The following LPA variants were observed in gnomAD, a reference collection of about 807,000 sequenced individuals.
LPA encodes apolipoprotein(a).
LPA carries 199 observed loss-of-function variants against 197.9 expected under a neutral mutation model. The ratio of observed to expected loss-of-function variants is 1.01; its 90% confidence interval spans 0.90 to 1.13. The LOEUF (loss-of-function observed/expected upper bound fraction) is 1.13, where lower values mean the gene tolerates loss of function less well. LPA is among the 50% of genes most tolerant of loss of function. The probability of loss-of-function intolerance (pLI) is 0.00; values close to 1 mark genes in which losing one functional copy is unlikely to be tolerated. For missense variants in LPA, 1,853 were observed against 1,785.8 expected (o/e 1.04, Z -0.68); for synonymous variants, 715 against 639.5 (o/e 1.12, Z -1.78).
At chr6:160,585,365 T>C (rs1025267780) in intron 25 of LPA, among the ~76,000 whole-genome samples, 160 bp from the exon 26 acceptor site, 2 of 152,154 alleles carry the variant, frequency 1.3e-5, no homozygotes, top group South Asian at 2.1e-4. Context: ...AATAGACTTA[T>C]AGGATTCTAG....
chr6:160,637,334 C>G (rs146955107), intron 6 of LPA, among the ~76,000 whole-genome samples: 19,513 of 116,180 alleles, frequency 0.17, 3 homozygotes, highest in East Asian at 0.3. Flanking sequence ...TATCAGCCAT[C>G]CTTGATTCCG....
chr6:160,559,580 A>G (rs1778327855), intron 28 of LPA, among the ~76,000 whole-genome samples: 1 of 152,200 alleles, frequency 6.6e-6, no homozygotes, highest in Non-Finnish European at 1.5e-5. Flanking sequence ...GGAACTTTTT[A>G]AGAAACCATC....
rs58131350 is a variant in LPA at position 160,545,377 on chromosome 6, C to CT, written c.5398+62dup. 1,353 of 1,204,560 alleles carry CT rather than the reference C, an allele frequency of 1.1e-3. 1 individual carries two copies. Among genetic ancestry groups the CT allele is most frequent in the Middle Eastern group, 1.5e-3 (8 of 5,206 alleles). The allele number at this position is 1,204,560 out of a possible 1,614,324, so 74.6% of individuals were successfully genotyped here. On this transcript the variant is annotated intron_variant, in intron 33 of 38. Transcript: ENST00000316300. ...CAAAAGCCATTTTCTGTTTTTTTTG[C>CT]TTTTTTTTTTCCAAATCCATATTAA...
At chr6:160,647,037 A>T (rs1257435117) in intron 2 of LPA, among the ~76,000 whole-genome samples, 1 of 152,132 alleles carries the variant, frequency 6.6e-6, no homozygotes, top group South Asian at 2.1e-4. Flanking sequence ...TTTCTGCAAG[A>T]CTTCTCAAAG....
At chr6:160,534,526 C>T (rs1777855823) in intron 37 of LPA, among the ~76,000 whole-genome samples, 1 of 152,180 alleles carries the variant, frequency 6.6e-6, no homozygotes, top group Non-Finnish European at 1.5e-5. Flanking sequence ...GGATGAGCCC[C>T]TTGGCCTCAA....
At position 160,596,207 on chromosome 6, in the gene LPA, G is replaced by A. The variant is rs1190179421; in HGVS notation, c.3288-672C>T. ...CACCTCTCCTCTGTTACTCCAGATG[G>A]TGATGGTTGTGCACCCTCATTGGTC... On this transcript the variant is annotated intron_variant, in intron 20 of 38. Transcript: ENST00000316300. Among the ~76,000 whole-genome samples, 4 of 152,156 alleles carry A rather than the reference G, an allele frequency of 2.6e-5. No individual in the cohort carries two copies. The East Asian group carries it at 7.7e-4, about 29-fold the overall frequency.
chr6:160,550,598 T>A (rs117635799), intron 30 of LPA, among the ~76,000 whole-genome samples: 1 of 152,356 alleles, frequency 6.6e-6, no homozygotes, highest in Non-Finnish European at 1.5e-5. Flanking sequence ...CTGATGAACA[T>A]GTACACTTGT....
intron 1 of LPA, among the ~76,000 whole-genome samples, chr6:160,655,035 C>T (rs539467418): frequency 6.6e-6 from 1 of 152,254 alleles, no homozygotes; most frequent in South Asian, 2.1e-4. Flanking sequence ...TTACTTGTGC[C>T]TTCAGGACCT....
chr6:160,589,541 T>A lies in LPA; in HGVS notation c.3947+12A>T. 6.2e-7 allele frequency: 1 copy of A among 1,612,966 alleles called. No homozygotes were observed. Among genetic ancestry groups the A allele is most frequent in the Non-Finnish European group, 8.5e-7 (1 of 1,179,690 alleles). On this transcript the variant is annotated intron_variant, in intron 24 of 38. Transcript: ENST00000316300. ...GTGGCTGTTTCTCTTGGGAGAAAAC[T>A]CAAAGACATACCCATTTGGGTAGTA...
chr6:160,664,009 AT>A (rs757409320), intron 1 of LPA, among the ~76,000 whole-genome samples, 156 bp downstream of exon 1: 3 of 152,100 alleles, frequency 2.0e-5, no homozygotes, highest in Non-Finnish European at 2.9e-5. Context: ...AATTAAACTT[AT>A]TTTTTTAAGA....
intron 16 of LPA, 86 bp from the exon 17 acceptor site, chr6:160,606,744 G>A: frequency 6.5e-7 from 1 of 1,541,550 alleles, no homozygotes. Context: ...CTGCAACAAG[G>A]TCATTACCAG....
rs1779115497 is a variant in LPA at position 160,595,510 on chromosome 6, T to C, written c.3313A>G (p.Asn1105Asp). ...NAGLTRNYCR[N>D]PDAEIRPWCY... is the part of the protein sequence containing the mutation. ...CAAGGGCGAATCTCAGCATCTGGAT[T>C]CCTGCAGTAGTTCCTGGTCAGGCCA... Residue 1105 changes from asparagine to aspartate, a missense_variant, in exon 21 of 39, where the codon AAT becomes GAT. Around this residue, in one of 3 missense-constraint regions of LPA, gnomAD observed 1,737 missense variants for 1,504.4 expected, o/e 1.15. Transcript: ENST00000316300. 1 of 1,613,884 alleles carries C rather than the reference T, an allele frequency of 6.2e-7. No individual in the cohort carries two copies. Among genetic ancestry groups the C allele is most frequent in the Admixed American group, 1.7e-5 (1 of 60,004 alleles).
rs184131785 is a variant in LPA, at chr6:160,544,474, C to A, written c.5398+966G>T. On this transcript the variant is annotated intron_variant, in intron 33 of 38. Coordinates refer to ENST00000316300, the MANE Select transcript of LPA (RefSeq NM_005577.4). ...GTAGAATCTTTCCTATCACCCTAAC[C>A]TCTCCTTCTTCCCTCTTGCTCTCCC... is the stretch of plus-strand genomic sequence containing the variant. Among the ~76,000 whole-genome samples the A allele has an allele frequency of 2.2e-4, 33 of 152,260 alleles. No individual in the cohort carries two copies. In the East Asian group the frequency reaches 6.0e-3, roughly 28 times the overall value.
chr6:160,591,126 T>A, intron 22 of LPA, 25 bp from the exon 23 acceptor site: 1 of 1,612,596 alleles, frequency 6.2e-7, no homozygotes, highest in Non-Finnish European at 8.5e-7. Context: ...ACAATACAGT[T>A]CACCAGAGAT....
intron 33 of LPA, 91 bp from the exon 34 acceptor site, chr6:160,542,899 T>C: frequency 6.4e-7 from 1 of 1,560,956 alleles, no homozygotes; most frequent in Non-Finnish European, 8.8e-7. Flanking sequence ...CACTAGTTTT[T>C]CACATCTCAA....
At position 160,548,480 on chromosome 6, in the gene LPA, T is replaced by C. The variant is rs754625463; in HGVS notation, c.5153A>G (p.Gln1718Arg). Residue 1718 changes from glutamine (Q) to arginine (R), a missense_variant and splice_region_variant, in exon 31 of 39, where the codon CAA (glutamine) becomes CGA (arginine). Transcript: ENST00000316300. ...QVPSLGPPSEQDCMFGNGKGY... is the reference protein window; with the variant it reads ...QVPSLGPPSERDCMFGNGKGY... ...AAGGTAAGACACAGACTTCTTACCT[T>C]GTTCAGAAGGAGGCCCTAGGCTTGG... 2.5e-6 allele frequency: 4 copies of C among 1,613,902 alleles called. No homozygotes were observed. Among genetic ancestry groups the C allele is most frequent in the East Asian group, 4.5e-5 (2 of 44,880 alleles).
chr6:160,649,573 G>C (rs772264986), intron 2 of LPA, among the ~76,000 whole-genome samples: 4 of 152,016 alleles, frequency 2.6e-5, no homozygotes, highest in Non-Finnish European at 4.4e-5. Context: ...GTGCAGGAAG[G>C]GTCTCCAGGA....
chr6:160,576,431 T>TAC lies in LPA; in HGVS notation c.4631+703_4631+704dup, dbSNP rs1554234399. 6.9e-4 allele frequency among the ~76,000 whole-genome samples: 91 copies of TAC among 131,620 alleles called. 2 individuals carry two copies. The highest frequency in any genetic ancestry group is 4.6e-3 in the East Asian group (22 of 4,772). The allele number at this position is 131,620 out of a possible 152,430, so 86.3% of individuals were successfully genotyped here. A position where few individuals can be genotyped will look rare whatever the true frequency, so the allele number is the denominator to read the frequency against. ...ATATATATATGGGTATATATATATA[T>TAC]ACACACATGCACACATATATTTGTG... On this transcript the variant is annotated intron_variant, in intron 28 of 38. Transcript: ENST00000316300.
intron 28 of LPA, among the ~76,000 whole-genome samples, chr6:160,566,931 C>A (rs1562324168): frequency 6.6e-6 from 1 of 152,198 alleles, no homozygotes; most frequent in African/African-American, 2.4e-5. Flanking sequence ...ACCAATTTAA[C>A]AAGAAGAGCT....
Sources: allele counts gnomAD v4.1 joint callset (sites outside exome capture counted in the v4.1 genomes callset), GRCh38; gene constraint gnomAD v4.1.1; regional missense constraint gnomAD v4.1.1; transcripts MANE v1.5; gene names NCBI Gene and HGNC (gene_info 2026-07-23, HGNC 2026-07-21).